The following PRPF39 variants were observed in gnomAD, a reference collection of about 807,000 sequenced individuals.
The protein encoded by PRPF39 is pre-mRNA-processing factor 39.
PRPF39 carries 27 observed loss-of-function variants against 82.1 expected under a neutral mutation model. That is an observed-to-expected ratio of 0.33 (90% confidence interval 0.24 to 0.45). PRPF39 has a LOEUF of 0.45. Among genes scored for constraint, PRPF39 ranks in the 20% least tolerant of loss-of-function variants. The pLI is 1.00. For synonymous variants in PRPF39, 261 were observed against 256.4 expected (o/e 1.02, Z -0.17); for missense variants, 581 against 796.9 (o/e 0.73, Z 3.26).
At chr14:45,105,454 G>T (rs1777636955) in intron 5 of PRPF39, among the ~76,000 whole-genome samples, 1 of 150,852 alleles carries the variant, frequency 6.6e-6, no homozygotes, top group Non-Finnish European at 1.5e-5. Flanking sequence ...ACCTGGTGCT[G>T]AAATGGGCCG....
chr14:45,092,488 C>T (rs1248416026), intron 1 of PRPF39, among the ~76,000 whole-genome samples: 1 of 151,400 alleles, frequency 6.6e-6, no homozygotes, highest in East Asian at 2.0e-4. Context: ...GTAGTCCCAG[C>T]TACTCAGGAG....
chr14:45,095,221 A>G lies in PRPF39; in HGVS notation c.-19A>G. On this transcript the variant is annotated splice_region_variant and 5_prime_UTR_variant, in exon 2 of 14. Transcript: ENST00000355765. Reference sequence around the variant, plus strand: ...TTCTCTTTTTTTCGTGTTTCCACAGATCGTTAACTGAAGACAATATGCAAA... The same window carrying G: ...TTCTCTTTTTTTCGTGTTTCCACAGGTCGTTAACTGAAGACAATATGCAAA... 7.8e-6 allele frequency: 12 copies of G among 1,538,386 alleles called. No homozygotes were observed. The highest frequency in any genetic ancestry group is 1.1e-5 in the Non-Finnish European group (12 of 1,126,146).
chr14:45,090,629 A>C (rs1214751566), intron 1 of PRPF39, among the ~76,000 whole-genome samples: 4 of 151,936 alleles, frequency 2.6e-5, no homozygotes. Context: ...ATTATATTTC[A>C]TGTTTTCATC....
intron 1 of PRPF39, among the ~76,000 whole-genome samples, chr14:45,090,986 A>G (rs565301859): frequency 6.6e-6 from 1 of 152,318 alleles, no homozygotes; most frequent in African/African-American, 2.4e-5. Context: ...CAGACTCAGA[A>G]GGTCTTTTAA....
At position 45,110,029 on chromosome 14, in the gene PRPF39, C is replaced by G; in HGVS notation, c.1177-65C>G. 4 of 1,600,472 alleles carry G rather than the reference C, an allele frequency of 2.5e-6. No individual in the cohort carries two copies. Among genetic ancestry groups the G allele is most frequent in the Non-Finnish European group, 3.4e-6 (4 of 1,171,672 alleles). ...GGTTTAAAAATAGAATTTTATCGTTCTGTCACAAATTTAATGGCTTGTTCA... is the reference window on the plus strand; with the variant it reads ...GGTTTAAAAATAGAATTTTATCGTTGTGTCACAAATTTAATGGCTTGTTCA... On this transcript the variant is annotated intron_variant, in intron 8 of 13. Transcript: ENST00000355765. This position sits in a 1 kb window ranked among gnomAD's most constrained non-coding sequence, Gnocchi z 4.0.
intron 12 of PRPF39, 88 bp from the exon 13 acceptor site, chr14:45,114,406 A>G (rs904776862): frequency 3.5e-6 from 5 of 1,413,976 alleles, no homozygotes; most frequent in Non-Finnish European, 4.8e-6. Flanking sequence ...GAACTTCAGT[A>G]AAACAAATAT....
chr14:45,096,050 A>AT (rs5808291), intron 2 of PRPF39, 53 bp from the exon 3 acceptor site: 2 of 1,436,204 alleles, frequency 1.4e-6, no homozygotes, highest in South Asian at 1.3e-5. Flanking sequence ...AATAATAAAT[A>AT]TTTTTTTGAC....
At chr14:45,099,546 G>A (rs891867268) in intron 4 of PRPF39, among the ~76,000 whole-genome samples, 6 of 152,034 alleles carry the variant, frequency 3.9e-5, no homozygotes, top group African/African-American at 1.2e-4. Context: ...CTGGGTTCAC[G>A]CCATTCTTCT....
chr14:45,097,730 A>C (rs991740873), intron 4 of PRPF39, among the ~76,000 whole-genome samples: 3 of 152,118 alleles, frequency 2.0e-5, no homozygotes, highest in African/African-American at 7.2e-5. Flanking sequence ...TTTTTAAATT[A>C]CCTGTTGATA....
In PRPF39 at chr14:45,097,005, G is replaced by A. The variant is rs576708071; in HGVS notation, c.569G>A (p.Gly190Glu). ...CCTGAGACAAACAATACAATAAGAG[G>A]GTATGTGGAACATTGATACTGAAAT... is the stretch of plus-strand genomic sequence containing the variant. ...GDPETNNTIR[G>E]TFEHAVLAAG... The change falls in exon 4 of 14, where the codon GGA becomes GAA. Residue 190 changes from glycine (G) to glutamate (E), a missense_variant and splice_region_variant. Transcript: ENST00000355765. 3.3e-6 allele frequency: 5 copies of A among 1,525,188 alleles called. No homozygotes were observed. Among genetic ancestry groups the A allele is most frequent in the Non-Finnish European group, 4.4e-6 (5 of 1,140,270 alleles). 94.5% of individuals were successfully genotyped at this position (1,525,188 alleles called of 1,614,324 possible).
At chr14:45,105,111 A>C (rs545184489) in intron 5 of PRPF39, among the ~76,000 whole-genome samples, 3 of 152,332 alleles carry the variant, frequency 2.0e-5, no homozygotes, top group Non-Finnish European at 4.4e-5. Flanking sequence ...TTAGGAATAG[A>C]GCTCAATATA....
chr14:45,098,163 C>T (rs990202985), intron 4 of PRPF39, among the ~76,000 whole-genome samples: 25 of 151,900 alleles, frequency 1.6e-4, no homozygotes, highest in African/African-American at 5.6e-4. Flanking sequence ...ACCTGTAATC[C>T]CAGCACTTTG....
At position 45,110,373 on chromosome 14, in the gene PRPF39, A is replaced by G. The variant is rs1310773325; in HGVS notation, c.1303+153A>G. Among the ~76,000 whole-genome samples, 3 of 152,226 alleles carry G rather than the reference A, an allele frequency of 2.0e-5. No homozygotes were observed. The highest frequency in any genetic ancestry group is 7.2e-5 in the African/African-American group (3 of 41,470). On this transcript the variant is annotated intron_variant, in intron 9 of 13. Coordinates refer to ENST00000355765, the MANE Select transcript of PRPF39 (RefSeq NM_017922.4). This position sits in a 1 kb window ranked among gnomAD's most constrained non-coding sequence, Gnocchi z 4.0. ...GTAAAAGCCACGTGTTCTGACTTTC[A>G]GGCTTTGTAAGCCATTGTAGCCCCG...
Position 45,109,711 on chromosome 14 carries a change from T to C in PRPF39, c.1107T>C (p.His369=), listed in dbSNP as rs766192030. Residue 369 remains histidine, a synonymous_variant, in exon 8 of 14, where the codon CAT becomes CAC. Coordinates refer to ENST00000355765, the MANE Select transcript of PRPF39 (RefSeq NM_017922.4). The part of the protein sequence containing the change: ...YLEFEIENGT[H]ERVVVLFERC... ...AATTTGAAATTGAAAATGGGACTCA[T>C]GAACGAGTTGTGGTTCTCTTTGAAA... 8.1e-6 allele frequency: 13 copies of C among 1,608,796 alleles called. No individual in the cohort carries two copies. In the South Asian group the frequency reaches 1.4e-4, roughly 18 times the overall value.
At chr14:45,101,277 T>C (rs958716861) in intron 4 of PRPF39, among the ~76,000 whole-genome samples, 2 of 152,218 alleles carry the variant, frequency 1.3e-5, no homozygotes, top group Non-Finnish European at 2.9e-5. Flanking sequence ...TGTGTTAAAA[T>C]TGTGGTTTAA....
chr14:45,106,498 G>T (rs940282237), intron 5 of PRPF39, among the ~76,000 whole-genome samples: 4 of 152,150 alleles, frequency 2.6e-5, no homozygotes, highest in South Asian at 4.1e-4. Context: ...TGGTATTTTT[G>T]ATTACAATTT....
chr14:45,102,380 T>A, intron 4 of PRPF39, 149 bp from the exon 5 acceptor site: 1 of 570,076 alleles, frequency 1.8e-6, no homozygotes, highest in Non-Finnish European at 2.9e-6. Context: ...GTATGCTTTC[T>A]GTTATTCTGT....
chr14:45,108,861 T>A (rs1172162985), intron 7 of PRPF39, among the ~76,000 whole-genome samples: 1 of 152,178 alleles, frequency 6.6e-6, no homozygotes, highest in Non-Finnish European at 1.5e-5. Flanking sequence ...AATGAGGTAA[T>A]TTCCCACAGT....
Position 45,110,552 on chromosome 14 carries a change from A to G in PRPF39, c.1307A>G (p.Asn436Ser). The change falls in exon 10 of 14, where the codon AAT becomes AGT. Residue 436 changes from asparagine (N) to serine (S), a missense_variant. Transcript: ENST00000355765. This position sits in a 1 kb window ranked among gnomAD's most constrained non-coding sequence, Gnocchi z 4.0. Reference sequence around the variant, plus strand: ...AACATTTAATTACTGTTTCTAGGTAATATTAATGAAGCCAGGAATATCTTG... The same window carrying G: ...AACATTTAATTACTGTTTCTAGGTAGTATTAATGAAGCCAGGAATATCTTG... Reference protein sequence around the residue: ...LWAAFEEQQGNINEARNILKT... With the variant: ...LWAAFEEQQGSINEARNILKT... The G allele has an allele frequency of 6.4e-7, 1 of 1,556,602 alleles. No homozygotes were observed. The highest frequency in any genetic ancestry group is 2.4e-5 in the East Asian group (1 of 41,988).
Sources: allele counts gnomAD v4.1 joint callset (sites outside exome capture counted in the v4.1 genomes callset), GRCh38; gene constraint gnomAD v4.1.1; non-coding constraint Gnocchi (gnomAD v3.1); transcripts MANE v1.5; gene names NCBI Gene and HGNC (gene_info 2026-07-23, HGNC 2026-07-21).